Variants in FHAD1 observed in about 807,000 individuals in gnomAD.
FHAD1 encodes forkhead associated phosphopeptide binding domain 1.
FHAD1 carries 146 observed loss-of-function variants against 191.3 expected under a neutral mutation model. The observed-to-expected ratio is 0.76, with a 90% confidence interval of 0.67 to 0.88. The LOEUF (loss-of-function observed/expected upper bound fraction) is 0.88. FHAD1 is among the 40% of genes least tolerant of loss of function. FHAD1 has a pLI of 0.00. For synonymous variants in FHAD1, 616 were observed against 672.3 expected (o/e 0.92, Z 1.29); for missense variants, 1,635 against 1,785.8 (o/e 0.92, Z 1.52).
At chr1:15,392,618 A>T (rs1450101324) in intron 33 of FHAD1, among the ~76,000 whole-genome samples, 1 of 152,072 alleles carries the variant, frequency 6.6e-6, no homozygotes, top group Non-Finnish European at 1.5e-5. Flanking sequence ...CCTTAAGGTG[A>T]TGGAGTCATC....
chr1:15,333,666 CCTGCGTTT>C (rs774381311), intron 14 of FHAD1, among the ~76,000 whole-genome samples: 2 of 152,038 alleles, frequency 1.3e-5, no homozygotes, highest in Non-Finnish European at 2.9e-5. Flanking sequence ...CCAGGAGCTG[CCTGCGTTT>C]CTAGCTCCTA....
At chr1:15,240,956 C>CAAAAAAAAA (rs55740154) in intron 1 of FHAD1, among the ~76,000 whole-genome samples, 5 of 124,822 alleles carry the variant, frequency 4.0e-5, no homozygotes, top group East Asian at 4.9e-4. Context: ...GACTCTATCT[C>CAAAAAAAAA]AAAAAAAAAA....
chr1:15,363,447 T>A (rs913076679), intron 23 of FHAD1, among the ~76,000 whole-genome samples: 1 of 152,178 alleles, frequency 6.6e-6, no homozygotes, highest in South Asian at 2.1e-4. Flanking sequence ...AACTCAACAC[T>A]CCAGCTGTGT....
intron 33 of FHAD1, among the ~76,000 whole-genome samples, chr1:15,393,656 G>A (rs1173557486): frequency 6.6e-6 from 1 of 150,552 alleles, no homozygotes; most frequent in East Asian, 2.0e-4. Flanking sequence ...AGGCTGTAGT[G>A]CAGTGGCACC....
At chr1:15,388,264 CCAGCCTCTGCCCCTCG>C (rs1702689896) in intron 32 of FHAD1, 133 bp downstream of exon 32, 2 of 461,310 alleles carry the variant, frequency 4.3e-6, no homozygotes, top group Non-Finnish European at 7.7e-6. Context: ...CCTTCCCTCC[CCAGCCTCTGCCCCTCG>C]TCCCTCCCTC....
Position 15,360,606 on chromosome 1 carries a change from C to T in FHAD1, c.2865C>T (p.Ala955=). Residue 955 remains alanine, a synonymous_variant, in exon 22 of 34, where the codon GCC becomes GCT. Transcript: ENST00000688493. ...MEYKEQIKQH[A]QTIVSLEEKL... is the part of the protein sequence containing the mutation. ...ATAAGGAGCAAATCAAACAGCACGCCCAGACAATTGTGAGCCTCGAAGAGA... is the reference window on the plus strand; with the variant it reads ...ATAAGGAGCAAATCAAACAGCACGCTCAGACAATTGTGAGCCTCGAAGAGA... 1.3e-6 allele frequency: 2 copies of T among 1,552,006 alleles called. No individual in the cohort carries two copies. The highest frequency in any genetic ancestry group is 1.7e-4 in the Middle Eastern group (1 of 5,994).
chr1:15,269,304 A>G (rs1245033294), intron 2 of FHAD1, among the ~76,000 whole-genome samples: 2 of 152,232 alleles, frequency 1.3e-5, no homozygotes, highest in South Asian at 2.1e-4. Context: ...ATTCAAGGCT[A>G]TAAATTTCCC....
At position 15,316,557 on chromosome 1, in the gene FHAD1, C is replaced by A; in HGVS notation, c.1260+90C>A. 1 of 1,055,608 alleles carries A rather than the reference C, an allele frequency of 9.5e-7. No individual in the cohort carries two copies. The highest frequency in any genetic ancestry group is 1.4e-6 in the Non-Finnish European group (1 of 707,398). The allele number at this position is 1,055,608 out of a possible 1,614,324, so 65.4% of individuals were successfully genotyped here. A position where few individuals can be genotyped will look rare whatever the true frequency, so the allele number is the denominator to read the frequency against. ...GGTGGGATCCTGGGCCATCACTAAG[C>A]ATGAAGCTCTGGGGCTCTGTGCTTG... On this transcript the variant is annotated intron_variant, in intron 9 of 33. Coordinates refer to ENST00000688493, the MANE Select transcript of FHAD1 (RefSeq NM_001391957.1). The surrounding 1 kb of genome is among the most constrained non-coding windows in gnomAD (Gnocchi z 4.3).
At chr1:15,295,634 C>CATATATATAT (rs34586844) in intron 4 of FHAD1, among the ~76,000 whole-genome samples, 1 of 150,416 alleles carries the variant, frequency 6.6e-6, no homozygotes, top group African/African-American at 2.4e-5. Context: ...TCTCTCTAAA[C>CATATATATAT]ATATATATAT....
At position 15,329,249 on chromosome 1, in the gene FHAD1, T is replaced by A; in HGVS notation, c.1711-97T>A. On this transcript the variant is annotated intron_variant, in intron 13 of 33. Coordinates refer to ENST00000688493, the MANE Select transcript of FHAD1 (RefSeq NM_001391957.1). This position sits in a 1 kb window ranked among gnomAD's most constrained non-coding sequence, Gnocchi z 5.0. The stretch of plus-strand genomic sequence containing the variant: ...GCGGCCAATACGTGGCGCTGCCTGC[T>A]TCGTGGCAGAGTCAAGAACGCTGTT... 9.6e-7 allele frequency: 1 copy of A among 1,040,148 alleles called. No homozygotes were observed. The highest frequency in any genetic ancestry group is 1.3e-6 in the Non-Finnish European group (1 of 744,420). 64.4% of individuals were successfully genotyped at this position (1,040,148 alleles called of 1,614,324 possible). A position where few individuals can be genotyped will look rare whatever the true frequency, so the allele number is the denominator to read the frequency against.
intron 1 of FHAD1, among the ~76,000 whole-genome samples, chr1:15,237,358 T>G (rs1644892491): frequency 6.6e-6 from 1 of 152,146 alleles, no homozygotes; most frequent in African/African-American, 2.4e-5. Flanking sequence ...TCATTCCCCA[T>G]CTTCCAGCTC....
At chr1:15,268,183 C>T (rs1402564929) in intron 2 of FHAD1, among the ~76,000 whole-genome samples, 2 of 137,728 alleles carry the variant, frequency 1.5e-5, no homozygotes, top group African/African-American at 5.4e-5. Flanking sequence ...GTGTGATGTT[C>T]CCCTTCCTGT....
intron 2 of FHAD1, among the ~76,000 whole-genome samples, chr1:15,270,216 C>T (rs75437595): frequency 0.08 from 12,229 of 152,258 alleles, 1,013 homozygotes; most frequent in African/African-American, 0.21. Flanking sequence ...TGGCCTAATG[C>T]TTCTCTTTAT....
At chr1:15,238,195 C>T (rs999588759) in intron 1 of FHAD1, among the ~76,000 whole-genome samples, 1 of 134,166 alleles carries the variant, frequency 7.5e-6, no homozygotes, top group Admixed American at 8.9e-5. Flanking sequence ...TATAGTGAGC[C>T]GAGACTGCAC....
Position 15,360,476 on chromosome 1 carries a change from A to C in FHAD1, c.2737-2A>C, listed in dbSNP as rs1694440158. On this transcript the variant is annotated splice_acceptor_variant, in intron 21 of 33. Transcript: ENST00000688493. LOFTEE classifies it high-confidence loss of function. ...CTCACTGAGTGACTCTCTGTTTCCC[A>C]GATCATGGTGGAAGAGCGGCTAATC... is the stretch of plus-strand genomic sequence containing the variant. 1 of 1,550,808 alleles carries C rather than the reference A, an allele frequency of 6.4e-7. No homozygotes were observed. The highest frequency in any genetic ancestry group is 1.4e-5 in the African/African-American group (1 of 73,150).
intron 6 of FHAD1, among the ~76,000 whole-genome samples, chr1:15,307,647 T>C (rs1351411791): frequency 1.3e-5 from 2 of 152,210 alleles, no homozygotes; most frequent in African/African-American, 4.8e-5. Context: ...TTTCCACTTT[T>C]GCTTTTTCGT....
Position 15,388,053 on chromosome 1 carries a change from A to G in FHAD1, c.4191A>G (p.Glu1397=). 2 of 1,289,296 alleles carry G rather than the reference A, an allele frequency of 1.6e-6. No homozygotes were observed. The highest frequency in any genetic ancestry group is 1.2e-5 in the South Asian group (1 of 81,018). 79.9% of individuals were successfully genotyped at this position (1,289,296 alleles called of 1,614,324 possible). ...CTAACCTGATACTTTTCACTCAGGA[A>G]AGTGTAGAGGAGCACGAACTGAGAA... ...RINRAIRQQK[E]SVEEHELRNA... The change falls in exon 32 of 34, where the codon GAA becomes GAG. Residue 1397 remains glutamate, a splice_region_variant and synonymous_variant. Coordinates refer to ENST00000688493, the MANE Select transcript of FHAD1 (RefSeq NM_001391957.1).
At chr1:15,324,345 C>A in intron 10 of FHAD1, 107 bp from the exon 11 acceptor site, 1 of 864,908 alleles carries the variant, frequency 1.2e-6, no homozygotes, top group South Asian at 1.5e-5. Flanking sequence ...TGCAGCTGTG[C>A]CTACCCCTCT....
chr1:15,348,169 T>G (rs1320415450), intron 18 of FHAD1, among the ~76,000 whole-genome samples: 1 of 152,172 alleles, frequency 6.6e-6, no homozygotes, highest in Non-Finnish European at 1.5e-5. Flanking sequence ...GACAGCAGAG[T>G]GTTAGAGTTT....
Sources: gnomAD v4.1 joint callset for allele counts (sites outside exome capture counted in the v4.1 genomes callset) on GRCh38, gnomAD v4.1.1 for gene constraint, Gnocchi (gnomAD v3.1) non-coding constraint, MANE v1.5 for transcripts, NCBI Gene and HGNC (gene_info 2026-07-23, HGNC 2026-07-21) for gene names.